Variants in NUBP1 observed in about 807,000 individuals in gnomAD.
NUBP1 encodes NUBP iron-sulfur cluster assembly factor 1, cytosolic.
A neutral mutation model predicts 41.8 loss-of-function variants in NUBP1; 46 were observed. The ratio of observed to expected loss-of-function variants is 1.10; its 90% CI spans 0.87 to 1.41. NUBP1 has a LOEUF of 1.41. Ranked by LOEUF, NUBP1 falls within the 40% of genes most tolerant of loss-of-function variation. The pLI is 0.00. For synonymous variants in NUBP1, 189 were observed against 154.6 expected (o/e 1.22, Z -1.65); for missense variants, 494 against 414.0 (o/e 1.19, Z -1.68).
intron 4 of NUBP1, among the ~76,000 whole-genome samples, chr16:10,755,234 G>T (rs993962089): frequency 6.6e-6 from 1 of 152,136 alleles, no homozygotes; most frequent in Non-Finnish European, 1.5e-5. Context: ...ACACCTGCTG[G>T]GGGGAAGAGG....
chr16:10,747,349 C>G, intron 3 of NUBP1, 73 bp downstream of exon 3: 3 of 1,575,446 alleles, frequency 1.9e-6, no homozygotes, highest in Non-Finnish European at 2.6e-6. Flanking sequence ...TAACTGATTC[C>G]TAGGCCAGGC....
intron 4 of NUBP1, 113 bp downstream of exon 4, chr16:10,752,791 GT>G (rs1900380078): frequency 1.1e-6 from 1 of 937,080 alleles, no homozygotes; most frequent in African/African-American, 1.7e-5. Flanking sequence ...TTTTTTTGTT[GT>G]TGTTTTGTTT....
At chr16:10,745,297 G>C (rs1420281246) in intron 2 of NUBP1, among the ~76,000 whole-genome samples, 2 of 151,806 alleles carry the variant, frequency 1.3e-5, no homozygotes, top group African/African-American at 2.4e-5. Flanking sequence ...GGTGAAACCT[G>C]TCTCTACTAA....
chr16:10,767,482 G>C lies in NUBP1; in HGVS notation c.821-467G>C, dbSNP rs1478507104. ...GGTATATGAGAGTGTGTGTATGTGT[G>C]TGCGCACACATGCAAGTGTGCACAT... On this transcript the variant is annotated intron_variant, in intron 9 of 10. Transcript: ENST00000283027. This position sits in a 1 kb window ranked among gnomAD's most constrained non-coding sequence, Gnocchi z 4.6. 2.4e-6 allele frequency: 1 copy of C among 413,936 alleles called. No individual in the cohort carries two copies. The highest frequency in any genetic ancestry group is 2.1e-5 in the African/African-American group (1 of 47,946). 25.6% of individuals were successfully genotyped at this position (413,936 alleles called of 1,614,324 possible). A position where few individuals can be genotyped will look rare whatever the true frequency, so the allele number is the denominator to read the frequency against.
chr16:10,755,910 G>A (rs1032998633), intron 5 of NUBP1, among the ~76,000 whole-genome samples, 157 bp downstream of exon 5: 1 of 152,216 alleles, frequency 6.6e-6, no homozygotes. Context: ...TTTCTGTAAA[G>A]TGTGGGACGG....
chr16:10,744,073 A>G lies in NUBP1; in HGVS notation c.124+8A>G, dbSNP rs757123657. 9 of 1,570,222 alleles carry G rather than the reference A, an allele frequency of 5.7e-6. No individual in the cohort carries two copies. In the Admixed American group the frequency reaches 1.8e-4, roughly 31 times the overall value. On this transcript the variant is annotated splice_region_variant and intron_variant, in intron 2 of 10. Transcript: ENST00000283027. ...GGGCCACTCCGGACACGGGTGAGAA[A>G]AGGGCAAGGCCTCAACAGGAACTTA...
intron 5 of NUBP1, among the ~76,000 whole-genome samples, chr16:10,756,250 G>A (rs557340405): frequency 3.3e-5 from 5 of 152,218 alleles, no homozygotes; most frequent in South Asian, 2.1e-4. Context: ...ATGGTGGCAC[G>A]CGCCTGTAAC....
At position 10,767,160 on chromosome 16, in the gene NUBP1, G is replaced by T. The variant is rs574594807; in HGVS notation, c.821-789G>T. The T allele has an allele frequency of 1.8e-3, 730 of 399,388 alleles. 5 individuals are homozygous for T. The highest frequency in any genetic ancestry group is 5.0e-4 in the Non-Finnish European group (114 of 226,702). 24.7% of individuals were successfully genotyped at this position (399,388 alleles called of 1,614,324 possible). ...GTTTCGCCAGCAGCTCAGGCCTGGG[G>T]AGTGGGCAGAGCAAGCTGATGGCAG... On this transcript the variant is annotated intron_variant, in intron 9 of 10. Coordinates refer to ENST00000283027, the MANE Select transcript of NUBP1 (RefSeq NM_002484.4). The surrounding 1 kb of genome is among the most constrained non-coding windows in gnomAD (Gnocchi z 4.6).
intron 3 of NUBP1, among the ~76,000 whole-genome samples, chr16:10,748,069 G>A (rs1456975056): frequency 6.6e-6 from 1 of 152,064 alleles, no homozygotes; most frequent in Admixed American, 6.6e-5. Flanking sequence ...TCCCACCTCA[G>A]CCTCTCAAGT....
In NUBP1 at chr16:10,761,830, T is replaced by G. The variant is rs148259153; in HGVS notation, c.791T>G (p.Leu264Arg). Residue 264 changes from leucine (L) to arginine (R), a missense_variant, in exon 9 of 11, where the codon CTC (leucine) becomes CGC (arginine). Leu to Arg is a moderately radical substitution (Grantham distance 102). Transcript: ENST00000283027. Reference protein sequence around the residue: ...LMCQDLEVPLLGRVPLDPLIG... With the variant: ...LMCQDLEVPLRGRVPLDPLIG... ...TGCCAGGACTTGGAGGTCCCTCTCC[T>G]CGGCAGAGTGCCCCTGGATCCGCTC... The G allele has an allele frequency of 6.2e-7, 1 of 1,614,050 alleles. No homozygotes were observed. The highest frequency in any genetic ancestry group is 1.3e-5 in the African/African-American group (1 of 75,028).
At chr16:10,764,694 T>G (rs180786664) in intron 9 of NUBP1, among the ~76,000 whole-genome samples, 1 of 151,576 alleles carries the variant, frequency 6.6e-6, no homozygotes, top group African/African-American at 2.4e-5. Context: ...AGTAGGTCTA[T>G]TGGAGCATCT....
chr16:10,755,779 T>A, intron 5 of NUBP1, 26 bp downstream of exon 5: 2 of 1,612,088 alleles, frequency 1.2e-6, no homozygotes, highest in Non-Finnish European at 1.7e-6. Flanking sequence ...TTTGCCCTAT[T>A]TTCACAGTAG....
chr16:10,766,969 A>G lies in NUBP1; in HGVS notation c.821-980A>G, dbSNP rs1472969655. 1 of 398,338 alleles carries G rather than the reference A, an allele frequency of 2.5e-6. No homozygotes were observed. Among genetic ancestry groups the G allele is most frequent in the Non-Finnish European group, 4.4e-6 (1 of 226,080 alleles). 24.7% of individuals were successfully genotyped at this position (398,338 alleles called of 1,614,324 possible). On this transcript the variant is annotated intron_variant, in intron 9 of 10. Transcript: ENST00000283027. This position sits in a 1 kb window ranked among gnomAD's most constrained non-coding sequence, Gnocchi z 4.8. ...ACTCACTGGGCCATATGGGCTCCCC[A>G]TCTCCCACCAACCCCTCCCCACAGG...
Position 10,765,829 on chromosome 16 carries a change from A to G in NUBP1, c.821-2120A>G, listed in dbSNP as rs116592187. On this transcript the variant is annotated intron_variant, in intron 9 of 10. Coordinates refer to ENST00000283027, the MANE Select transcript of NUBP1 (RefSeq NM_002484.4). This position sits in a 1 kb window ranked among gnomAD's most constrained non-coding sequence, Gnocchi z 4.0. Reference sequence around the variant, plus strand: ...AGGCTCATTCTGAGCTGAGAACATTAAGTGCCTTCTAGTGGGCATGGTCCT... The same window carrying G: ...AGGCTCATTCTGAGCTGAGAACATTGAGTGCCTTCTAGTGGGCATGGTCCT... Among the ~76,000 whole-genome samples the G allele has an allele frequency of 1.1e-3, 163 of 152,364 alleles. 2 individuals are homozygous for G. Among genetic ancestry groups the G allele is most frequent in the African/African-American group, 3.7e-3 (153 of 41,594 alleles).
At chr16:10,761,634 G>A in intron 8 of NUBP1, 123 bp from the exon 9 acceptor site, 1 of 950,562 alleles carries the variant, frequency 1.1e-6, no homozygotes, top group South Asian at 1.7e-5. Flanking sequence ...AAGTTCTTTA[G>A]GTGTTAAGGG....
At position 10,769,223 on chromosome 16, in the gene NUBP1, G is replaced by T. The variant is rs2031344748; in HGVS notation, c.*118G>T. On this transcript the variant is annotated 3_prime_UTR_variant, in exon 11 of 11. Coordinates refer to ENST00000283027, the MANE Select transcript of NUBP1 (RefSeq NM_002484.4). ...GGTCACAGCAAAAGGACCAGATGCT[G>T]GTGTGGTCCGAAGCCACTTTCTCAG... 1 of 811,228 alleles carries T rather than the reference G, an allele frequency of 1.2e-6. No individual in the cohort carries two copies. Among genetic ancestry groups the T allele is most frequent in the African/African-American group, 1.7e-5 (1 of 57,650 alleles). 50.3% of individuals were successfully genotyped at this position (811,228 alleles called of 1,614,324 possible). A position where few individuals can be genotyped will look rare whatever the true frequency, so the allele number is the denominator to read the frequency against.
In NUBP1 at chr16:10,757,963, T is replaced by G. The variant is rs1232645152; in HGVS notation, c.542T>G (p.Leu181Arg). The G allele has an allele frequency of 6.2e-7, 1 of 1,613,886 alleles. No individual in the cohort carries two copies. Among genetic ancestry groups the G allele is most frequent in the South Asian group, 1.1e-5 (1 of 91,058 alleles). The change falls in exon 7 of 11, where the codon CTC (leucine) becomes CGC (arginine). Residue 181 changes from leucine to arginine, a missense_variant. Transcript: ENST00000283027. This position sits in a 1 kb window ranked among gnomAD's most constrained non-coding sequence, Gnocchi z 4.1. The part of the protein sequence containing the change: ...DTPPGTSDEH[L>R]SVVRYLATAH... ...CCACCTGGGACGTCGGATGAACACC[T>G]CTCGGTCGTCCGGTACCTGGCCACA...
At chr16:10,761,724 TTA>T (rs757099185) in intron 8 of NUBP1, 31 bp from the exon 9 acceptor site, 57 of 1,556,616 alleles carry the variant, frequency 3.7e-5, no homozygotes, top group Middle Eastern at 1.7e-4. Flanking sequence ...TGCAAAAAAA[TTA>T]TGTTTCCTCC....
Position 10,768,283 on chromosome 16 carries a change from G to A in NUBP1, c.904+251G>A. ...AAATACATCCCAATAAAGGGATAAAGTAATTCATTTTTAAAAGTAACTGAT... is the reference window on the plus strand; with the variant it reads ...AAATACATCCCAATAAAGGGATAAAATAATTCATTTTTAAAAGTAACTGAT... On this transcript the variant is annotated intron_variant, in intron 10 of 10. Coordinates refer to ENST00000283027, the MANE Select transcript of NUBP1 (RefSeq NM_002484.4). The surrounding 1 kb of genome is among the most constrained non-coding windows in gnomAD (Gnocchi z 4.3). 4.0e-6 allele frequency: 1 copy of A among 250,734 alleles called. No homozygotes were observed. The highest frequency in any genetic ancestry group is 7.6e-6 in the Non-Finnish European group (1 of 132,280). 15.5% of individuals were successfully genotyped at this position (250,734 alleles called of 1,614,324 possible).
Sources: allele counts gnomAD v4.1 joint callset (sites outside exome capture counted in the v4.1 genomes callset), GRCh38; gene constraint gnomAD v4.1.1; non-coding constraint Gnocchi (gnomAD v3.1); transcripts MANE v1.5; gene names NCBI Gene and HGNC (gene_info 2026-07-23, HGNC 2026-07-21).